The following ZNF503 variants were observed in gnomAD, a reference collection of about 807,000 sequenced individuals.
ZNF503 encodes zinc finger protein 503, also known as NocA-like zinc finger 2.
ZNF503 carries 15 observed loss-of-function variants against 34.4 expected under a neutral mutation model. The ratio of observed to expected loss-of-function variants is 0.44; its 90% CI spans 0.29 to 0.67. The LOEUF is 0.67. Ranked by LOEUF, ZNF503 falls within the 30% of genes least tolerant of loss-of-function variation. The pLI is 0.13. For missense variants in ZNF503, 1,007 were observed against 926.8 expected, an observed-to-expected ratio of 1.09 and a Z score of -1.12; for synonymous variants, 580 against 456.8, an observed-to-expected ratio of 1.27 and a Z score of -3.44.
At chr10:75,353,711 C>A in the ZNF503 span, among the ~76,000 whole-genome samples, 3 of 152,184 alleles carry the variant, frequency 2.0e-5, no homozygotes, top group Non-Finnish European at 4.4e-5. Context: ...CTCACTGAAC[C>A]ATTGCTAAGG....
the ZNF503 span, among the ~76,000 whole-genome samples, chr10:75,282,987 C>T: frequency 1.3e-5 from 2 of 152,220 alleles, no homozygotes; most frequent in Non-Finnish European, 1.5e-5. Context: ...CCCTTCTTAC[C>T]AGGAGAAGAT....
chr10:75,317,377 A>G, the ZNF503 span, among the ~76,000 whole-genome samples: 1 of 137,584 alleles, frequency 7.3e-6, no homozygotes, highest in Non-Finnish European at 1.5e-5. Context: ...TCTCGGGTTC[A>G]CGCCATTCTC....
chr10:75,377,323 A>C, the ZNF503 span, among the ~76,000 whole-genome samples: 38 of 152,244 alleles, frequency 2.5e-4, no homozygotes, highest in Non-Finnish European at 5.0e-4. Context: ...AGAGTTTCTT[A>C]TAGAGCTCAG....
the ZNF503 span, among the ~76,000 whole-genome samples, chr10:75,314,876 C>T: frequency 1.3e-5 from 2 of 152,052 alleles, no homozygotes; most frequent in Admixed American, 6.5e-5. Context: ...CCAGACCTGC[C>T]TTACAAAAAA....
chr10:75,313,646 G>A, the ZNF503 span, among the ~76,000 whole-genome samples: 4 of 152,332 alleles, frequency 2.6e-5, no homozygotes, highest in African/African-American at 7.2e-5. Flanking sequence ...CCTTGCCTGT[G>A]GTCCCCACTG....
chr10:75,289,862 A>G, the ZNF503 span, among the ~76,000 whole-genome samples: 1 of 152,146 alleles, frequency 6.6e-6, no homozygotes, highest in East Asian at 1.9e-4. Context: ...CACCGCACCC[A>G]GCCTGTAACC....
the ZNF503 span, among the ~76,000 whole-genome samples, chr10:75,299,440 T>C: frequency 2.6e-5 from 4 of 152,354 alleles, no homozygotes; most frequent in Admixed American, 2.6e-4. Flanking sequence ...TCGAATTATC[T>C]ATTTCTCCTT....
the ZNF503 span, among the ~76,000 whole-genome samples, chr10:75,316,335 T>A: frequency 6.6e-6 from 1 of 151,512 alleles, no homozygotes; most frequent in Non-Finnish European, 1.5e-5. Flanking sequence ...CAAACAAGCC[T>A]CTTCTTTTCT....
Position 75,397,997 on chromosome 10 carries a change from G to A in ZNF503, c.*752C>T, listed in dbSNP as rs1843721739. Reference sequence around the variant, plus strand: ...TTTTAAAGAACAAAATAAGGCAAATGAGGTTTTGGAATAGAATTTTTTCTT... The same window carrying A: ...TTTTAAAGAACAAAATAAGGCAAATAAGGTTTTGGAATAGAATTTTTTCTT... On this transcript the variant is annotated 3_prime_UTR_variant, in exon 2 of 2. Coordinates refer to ENST00000372524, the MANE Select transcript of ZNF503 (RefSeq NM_032772.6). 2 of 152,200 alleles carry A rather than the reference G, an allele frequency of 1.3e-5. No homozygotes were observed. Among genetic ancestry groups the A allele is most frequent in the Admixed American group, 1.3e-4 (2 of 15,242 alleles). 9.4% of individuals were successfully genotyped at this position (152,200 alleles called of 1,614,324 possible).
the ZNF503 span, among the ~76,000 whole-genome samples, chr10:75,337,215 T>C: frequency 2.6e-5 from 4 of 151,700 alleles, no homozygotes; most frequent in Non-Finnish European, 5.9e-5. Context: ...TCCCAGCTAC[T>C]TGGGAGGCTG....
At chr10:75,381,201 G>A in the ZNF503 span, among the ~76,000 whole-genome samples, 3 of 152,122 alleles carry the variant, frequency 2.0e-5, no homozygotes, top group Non-Finnish European at 4.4e-5. Flanking sequence ...TGGGATGTGC[G>A]TGTGTAATTT....
chr10:75,399,949 AC>A lies in ZNF503; in HGVS notation c.740del (p.Gly247ValfsTer48). ...SPGGMLSSAG[G>X]APEGKDDKKD... ...TCTTGTCGTCCTTGCCCTCCGGGGC[AC>A]CCCCGGCCGAGGACAGCATACCTCC... is the stretch of plus-strand genomic sequence containing the variant. On this transcript the variant is annotated frameshift_variant, in exon 2 of 2. Coordinates refer to ENST00000372524, the MANE Select transcript of ZNF503 (RefSeq NM_032772.6). LOFTEE classifies it high-confidence loss of function. 1.2e-6 allele frequency: 2 copies of A among 1,605,188 alleles called. No individual in the cohort carries two copies.
At chr10:75,388,094 A>G in the ZNF503 span, among the ~76,000 whole-genome samples, 1 of 152,098 alleles carries the variant, frequency 6.6e-6, no homozygotes, top group South Asian at 2.1e-4. Flanking sequence ...ACTCACCCTA[A>G]ATACCCTACA....
chr10:75,399,656 G>T lies in ZNF503; in HGVS notation c.1034C>A (p.Pro345Gln), dbSNP rs904705791. ...GLVAPVSPYKPGQTVFPLPPA... is the reference protein window; with the variant it reads ...GLVAPVSPYKQGQTVFPLPPA... ...AGGCAGAGGGAACACTGTCTGGCCC[G>T]GCTTGTAGGGTGACACGGGAGCCAC... The change falls in exon 2 of 2, where the codon CCG (proline) becomes CAG (glutamine). Residue 345 changes from proline (P) to glutamine (Q), a missense_variant. By Grantham distance (76) the Pro-to-Gln change is moderately conservative. Transcript: ENST00000372524. 3.8e-6 allele frequency: 6 copies of T among 1,599,348 alleles called. No individual in the cohort carries two copies. Among genetic ancestry groups the T allele is most frequent in the Non-Finnish European group, 5.1e-6 (6 of 1,179,656 alleles).
chr10:75,296,826 G>A, the ZNF503 span, among the ~76,000 whole-genome samples: 156 of 152,200 alleles, frequency 1.0e-3, no homozygotes, highest in Middle Eastern at 3.4e-3. Context: ...GGACGTGTAG[G>A]TACCAACAGA....
the ZNF503 span, among the ~76,000 whole-genome samples, chr10:75,306,154 A>G: frequency 6.6e-6 from 1 of 152,138 alleles, no homozygotes; most frequent in African/African-American, 2.4e-5. Flanking sequence ...ATTTTCACCA[A>G]CAGTGCACAA....
the ZNF503 span, among the ~76,000 whole-genome samples, chr10:75,389,394 G>A: frequency 6.6e-5 from 10 of 152,210 alleles, no homozygotes; most frequent in African/African-American, 2.2e-4. Flanking sequence ...ATAGGTGTCC[G>A]CTGGGCCACC....
At chr10:75,385,255 C>T in the ZNF503 span, among the ~76,000 whole-genome samples, 1 of 152,214 alleles carries the variant, frequency 6.6e-6, no homozygotes, top group Non-Finnish European at 1.5e-5. Flanking sequence ...CACCCCTCTT[C>T]TGTGTGGCTG....
chr10:75,299,815 T>C, the ZNF503 span, among the ~76,000 whole-genome samples: 1 of 152,112 alleles, frequency 6.6e-6, no homozygotes, highest in African/African-American at 2.4e-5. Flanking sequence ...AGGGAGTGTG[T>C]GAATAGGGTG....
Sources: gnomAD v4.1 joint callset for allele counts (sites outside exome capture counted in the v4.1 genomes callset) on GRCh38, gnomAD v4.1.1 for gene constraint, MANE v1.5 for transcripts, NCBI Gene and HGNC (gene_info 2026-07-23, HGNC 2026-07-21) for gene names.